CARS2: variants seen among roughly 807,000 people sequenced by gnomAD.
CARS2 encodes cysteinyl-tRNA synthetase 2, mitochondrial, also known as probable cysteine--tRNA ligase, mitochondrial.
A neutral mutation model predicts 68.8 loss-of-function variants in CARS2; 52 were observed. That is an observed-to-expected ratio of 0.76 (90% CI 0.61 to 0.95). CARS2 has a LOEUF of 0.95. Among genes scored for constraint, CARS2 ranks in the 40% least tolerant of loss-of-function variants. The probability of loss-of-function intolerance (pLI) is 0.00; values close to 1 mark genes in which losing one functional copy is unlikely to be tolerated. For synonymous variants in CARS2, 314 were observed against 303.6 expected, an observed-to-expected ratio of 1.03 and a Z score of -0.36; for missense variants, 780 against 754.2, an observed-to-expected ratio of 1.03 and a Z score of -0.40.
Position 110,674,275 on chromosome 13 carries a change from A to G in CARS2, c.785+2699T>C, listed in dbSNP as rs2062882195. Among the ~76,000 whole-genome samples the G allele has an allele frequency of 2.0e-5, 3 of 152,150 alleles. No homozygotes were observed. The East Asian group carries it at 5.8e-4, about 29-fold the overall frequency. ...CACTGCCAAGACAATCCTAAGCCAA[A>G]AGAACAAAGCTGGAGGCATCATGCT... On this transcript the variant is annotated intron_variant, in intron 7 of 14. Coordinates refer to ENST00000257347, the MANE Select transcript of CARS2 (RefSeq NM_024537.4).
intron 8 of CARS2, 144 bp from the exon 9 acceptor site, chr13:110,663,662 A>C: frequency 1.4e-6 from 2 of 1,414,298 alleles, no homozygotes; most frequent in Non-Finnish European, 1.8e-6. Flanking sequence ...TCTGCCCCCA[A>C]ATCTTCACCC....
chr13:110,712,956 T>C, intron 1 of CARS2: 5 of 1,558,712 alleles, frequency 3.2e-6, no homozygotes, highest in Non-Finnish European at 4.3e-6. Flanking sequence ...CTGCTGGGAG[T>C]GGTGGTCCGG....
rs76988055 is a variant in CARS2 at position 110,687,728 on chromosome 13, C to T, written c.564G>A (p.Thr188=). ...GIIARGNAYS[T]AKGNVYFDLK... ...AAAGAACATAAACCCTACCTTTTGCCGTTGAATAAGCGTTCCCACGAGCAA... is the reference window on the plus strand; with the variant it reads ...AAAGAACATAAACCCTACCTTTTGCTGTTGAATAAGCGTTCCCACGAGCAA... The change falls in exon 5 of 15, where the codon ACG becomes ACA. Residue 188 remains threonine, a synonymous_variant. Transcript: ENST00000257347. 4.0e-4 allele frequency: 629 copies of T among 1,588,328 alleles called. 1 individual carries two copies. The African/African-American group carries it at 7.2e-3, about 18-fold the overall frequency.
intron 3 of CARS2, among the ~76,000 whole-genome samples, chr13:110,698,775 A>C (rs1566350083): frequency 6.6e-6 from 1 of 152,006 alleles, no homozygotes; most frequent in Non-Finnish European, 1.5e-5. Context: ...AGGCCGAGGC[A>C]GGAGGATTGC....
upstream of CARS2, chr13:110,706,154 C>A (rs990254627): frequency 1.5e-5 from 18 of 1,189,962 alleles, no homozygotes; most frequent in East Asian, 1.8e-4. Context: ...CGCTGCCGGT[C>A]GCTCAAGAGC....
At chr13:110,647,346 C>T (rs372047833) in intron 10 of CARS2, 107 bp from the exon 11 acceptor site, 321 of 1,376,284 alleles carry the variant, frequency 2.3e-4, no homozygotes, top group African/African-American at 2.0e-3. Context: ...AGGGACCACA[C>T]GGAGAGCGGG....
intron 3 of CARS2, among the ~76,000 whole-genome samples, chr13:110,692,021 TATACAC>T (rs1404161474): frequency 6.1e-5 from 4 of 65,298 alleles, no homozygotes; most frequent in African/African-American, 1.8e-4. Context: ...TATATATATA[TATACAC>T]ACACACACAT....
chr13:110,705,753 G>C lies in CARS2; in HGVS notation c.224+117C>G, dbSNP rs2063925079. 1.3e-6 allele frequency: 2 copies of C among 1,536,154 alleles called. No homozygotes were observed. The highest frequency in any genetic ancestry group is 3.9e-5 in the Admixed American group (2 of 50,648). ...AAGCACCGCGCACCCCCAGCTTCTAGAACGGCGCCCTCCATGCAGCTTCCT... is the reference window on the plus strand; with the variant it reads ...AAGCACCGCGCACCCCCAGCTTCTACAACGGCGCCCTCCATGCAGCTTCCT... On this transcript the variant is annotated intron_variant, in intron 1 of 14. Transcript: ENST00000257347. The surrounding 1 kb of genome is among the most constrained non-coding windows in gnomAD (Gnocchi z 4.0).
intron 3 of CARS2, among the ~76,000 whole-genome samples, chr13:110,700,473 A>C (rs2063752416): frequency 6.6e-6 from 1 of 152,204 alleles, no homozygotes; most frequent in Non-Finnish European, 1.5e-5. Flanking sequence ...CTGGTGGGAA[A>C]AGTCTAGAAC....
rs1887465252 is a variant in CARS2 at position 110,642,361 on chromosome 13, C to T, written c.1577G>A (p.Cys526Tyr). The T allele has an allele frequency of 4.5e-6, 7 of 1,555,320 alleles. No homozygotes were observed. Among genetic ancestry groups the T allele is most frequent in the South Asian group, 1.2e-5 (1 of 84,510 alleles). The part of the protein sequence containing the change: ...LLERQPLLEA[C>Y]DTLRRGLTAH... ...AGTCAGGCCCCGGCGCAGGGTGTCGCATGCTTCCAGCAGGGGCTGCCTTTC... is the reference window on the plus strand; with the variant it reads ...AGTCAGGCCCCGGCGCAGGGTGTCGTATGCTTCCAGCAGGGGCTGCCTTTC... Residue 526 changes from cysteine (C) to tyrosine (Y), a missense_variant, in exon 14 of 15, where the codon TGC (cysteine) becomes TAC (tyrosine). Coordinates refer to ENST00000257347, the MANE Select transcript of CARS2 (RefSeq NM_024537.4).
intron 7 of CARS2, among the ~76,000 whole-genome samples, chr13:110,675,308 C>G (rs1375286095): frequency 6.6e-6 from 1 of 152,152 alleles, no homozygotes; most frequent in African/African-American, 2.4e-5. Context: ...GGAACCAACC[C>G]AAATGTCCAC....
exon 1 of CARS2, chr13:110,713,262 A>T (rs886304572): frequency 1.3e-5 from 17 of 1,325,516 alleles, no homozygotes; most frequent in African/African-American, 3.0e-5. Flanking sequence ...GGGGACGAAG[A>T]GTCAGGGGCT....
chr13:110,649,141 G>GT (rs1322304676), intron 10 of CARS2: 1 of 152,234 alleles, frequency 6.6e-6, no homozygotes, highest in Non-Finnish European at 1.5e-5. Flanking sequence ...TTCATCACGC[G>GT]TAAGTGCACA....
intron 1 of CARS2, chr13:110,712,803 C>A: frequency 1.3e-6 from 1 of 774,536 alleles, no homozygotes; most frequent in Non-Finnish European, 2.2e-6. Flanking sequence ...CCCCTCGGGC[C>A]TATCCACCTC....
At chr13:110,685,058 T>C (rs2063260032) in intron 5 of CARS2, among the ~76,000 whole-genome samples, 1 of 152,198 alleles carries the variant, frequency 6.6e-6, no homozygotes, top group Non-Finnish European at 1.5e-5. Flanking sequence ...TAAAGACTCG[T>C]GAACATTTAT....
upstream of CARS2, among the ~76,000 whole-genome samples, chr13:110,709,384 G>A (rs753841744): frequency 5.3e-5 from 8 of 152,026 alleles, no homozygotes; most frequent in Middle Eastern, 3.2e-3. Context: ...ATGAGCCACC[G>A]TGCCCGGCAG....
At position 110,685,420 on chromosome 13, in the gene CARS2, G is replaced by A. The variant is rs890557286; in HGVS notation, c.572-2286C>T. ...ACTGAGCAGATCCTCAGGGCCTCAC[G>A]TGCTCATCTTACGCTCCAAGTAGGA... On this transcript the variant is annotated intron_variant, in intron 5 of 14. Transcript: ENST00000257347. Among the ~76,000 whole-genome samples, 17 of 152,148 alleles carry A rather than the reference G, an allele frequency of 1.1e-4. 1 individual carries two copies. The highest frequency in any genetic ancestry group is 2.4e-5 in the African/African-American group (1 of 41,442).
At chr13:110,702,253 T>C (rs1033903057) in intron 2 of CARS2, among the ~76,000 whole-genome samples, 1 of 152,206 alleles carries the variant, frequency 6.6e-6, no homozygotes, top group Non-Finnish European at 1.5e-5. Context: ...ATCCTAGCCA[T>C]GTTATTGTAT....
chr13:110,679,599 G>GAGAGAGAAAGAAAGAAAGAAAGAAAGAA (rs1566712534), intron 6 of CARS2, among the ~76,000 whole-genome samples: 528 of 40,048 alleles, frequency 0.013, 4 homozygotes, highest in African/African-American at 0.033. Context: ...AAGAAAGAAA[G>GAGAGAGAAAGAAAGAAAGAAAGAAAGAA]AGAGAGAGAG....
Sources: allele counts gnomAD v4.1 joint callset (sites outside exome capture counted in the v4.1 genomes callset), GRCh38; gene constraint gnomAD v4.1.1; non-coding constraint Gnocchi (gnomAD v3.1); transcripts MANE v1.5; gene names NCBI Gene and HGNC (gene_info 2026-07-23, HGNC 2026-07-21).